The following GPM6A variants were observed in gnomAD, a reference collection of about 807,000 sequenced individuals.
GPM6A encodes glycoprotein M6A, also known as neuronal membrane glycoprotein M6-a.
Under a neutral mutation model 32.1 loss-of-function variants are expected in GPM6A, and 7 were observed. The ratio of observed to expected loss-of-function variants is 0.22; its 90% CI spans 0.12 to 0.41. The LOEUF is 0.41. Ranked by LOEUF, GPM6A falls within the 10% of genes least tolerant of loss-of-function variation. The probability of loss-of-function intolerance (pLI) is 1.00; values close to 1 mark genes in which losing one functional copy is unlikely to be tolerated. For missense variants in GPM6A, 235 were observed against 347.2 expected, an observed-to-expected ratio of 0.68 and a Z score of 2.57; for synonymous variants, 130 against 123.4, an observed-to-expected ratio of 1.05 and a Z score of -0.35.
chr4:175,978,247 C>T (rs1166344985), intron 1 of GPM6A, among the ~76,000 whole-genome samples: 2 of 152,072 alleles, frequency 1.3e-5, no homozygotes, highest in East Asian at 3.9e-4. Flanking sequence ...ACCTTCTTCA[C>T]GAGGAGGCAG....
intron 1 of GPM6A, among the ~76,000 whole-genome samples, chr4:175,883,661 C>T (rs74762611): frequency 2.9e-4 from 44 of 152,134 alleles, no homozygotes; most frequent in Non-Finnish European, 4.9e-4. Context: ...CTTTAATATC[C>T]GCAATATTGA....
chr4:175,643,072 C>T (rs1285854516), intron 4 of GPM6A, among the ~76,000 whole-genome samples: 1 of 152,124 alleles, frequency 6.6e-6, no homozygotes, highest in Non-Finnish European at 1.5e-5. Context: ...TCTGCTGCCT[C>T]TATGTTCAAA....
Position 175,673,804 on chromosome 4 carries a change from A to G in GPM6A, c.263T>C (p.Ile88Thr). Residue 88 changes from isoleucine to threonine, a missense_variant, in exon 3 of 7, where the codon ATC (isoleucine) becomes ACC (threonine). Coordinates refer to ENST00000393658, the MANE Select transcript of GPM6A (RefSeq NM_201591.3). ...GCCATACACAAAGAACGCAGCTGCG[A>G]TGCCGTAGATCACATACTTAAAGAT... is the stretch of plus-strand genomic sequence containing the variant. The part of the protein sequence containing the change: ...IDIFKYVIYG[I>T]AAAFFVYGIL... 6.2e-7 allele frequency: 1 copy of G among 1,610,574 alleles called. No homozygotes were observed.
intron 1 of GPM6A, among the ~76,000 whole-genome samples, chr4:175,987,558 C>T (rs1191842852): frequency 7.4e-6 from 1 of 134,640 alleles, no homozygotes; most frequent in Non-Finnish European, 1.7e-5. Context: ...GTGTGTTTGT[C>T]TTTATATTAA....
At chr4:175,727,254 C>T (rs1235180134) in intron 1 of GPM6A, among the ~76,000 whole-genome samples, 1 of 152,124 alleles carries the variant, frequency 6.6e-6, no homozygotes, top group African/African-American at 2.4e-5. Context: ...AGAAGCAGTA[C>T]TAGGCTTCAC....
chr4:175,815,905 C>T (rs1239977362), upstream of GPM6A, among the ~76,000 whole-genome samples: 1 of 151,998 alleles, frequency 6.6e-6, no homozygotes, highest in Non-Finnish European at 1.5e-5. Flanking sequence ...TTAGCAGAGA[C>T]GGGGTTTCTC....
At chr4:175,972,141 A>G (rs912242721) in intron 1 of GPM6A, among the ~76,000 whole-genome samples, 5 of 152,194 alleles carry the variant, frequency 3.3e-5, no homozygotes, top group Admixed American at 3.3e-4. Context: ...AGTTCACTCA[A>G]AGAACCCCCG....
At chr4:175,965,563 G>C (rs1740307039) in intron 1 of GPM6A, among the ~76,000 whole-genome samples, 1 of 149,688 alleles carries the variant, frequency 6.7e-6, no homozygotes, top group Non-Finnish European at 1.5e-5. Context: ...AAGGAAAAAA[G>C]AGAAAAGAAA....
At chr4:175,977,059 A>C (rs186746850) in intron 1 of GPM6A, among the ~76,000 whole-genome samples, 49 of 152,332 alleles carry the variant, frequency 3.2e-4, no homozygotes, top group African/African-American at 1.0e-3. Context: ...CATTCAAATA[A>C]GGTCAAAACA....
intron 1 of GPM6A, among the ~76,000 whole-genome samples, chr4:175,917,273 T>A (rs1216050136): frequency 6.6e-6 from 1 of 152,084 alleles, no homozygotes; most frequent in Non-Finnish European, 1.5e-5. Context: ...TGTTTTTTTT[T>A]AATCTTTAAG....
At position 175,931,671 on chromosome 4, in the gene GPM6A, T is replaced by TATACAC. The variant is rs1373359870; in HGVS notation, c.-23+70637_-23+70638insGTGTAT. ...TCTGACAGACATGTGTTAAAAAATA[T>TATACAC]ACACACACACACACACACACACACA... On this transcript the variant is annotated intron_variant, in intron 1 of 7. Coordinates refer to the GPM6A transcript ENST00000280187. 3.2e-3 allele frequency among the ~76,000 whole-genome samples: 440 copies of TATACAC among 136,548 alleles called. 4 individuals carry two copies. The highest frequency in any genetic ancestry group is 0.012 in the African/African-American group (410 of 34,692). The allele number at this position is 136,548 out of a possible 152,430, so 89.6% of individuals were successfully genotyped here. A position where few individuals can be genotyped will look rare whatever the true frequency, so the allele number is the denominator to read the frequency against.
rs546095336 is a variant in GPM6A at position 175,806,345 on chromosome 4, C to G, written c.37+5846G>C. ...TATCACGCTGTACTTCTCATTTAGT[C>G]TCTTTAAATATTTAAACTTTAATTC... On this transcript the variant is annotated intron_variant, in intron 1 of 6. Coordinates refer to ENST00000393658, the MANE Select transcript of GPM6A (RefSeq NM_201591.3). Among the ~76,000 whole-genome samples, 14 of 152,338 alleles carry G rather than the reference C, an allele frequency of 9.2e-5. No homozygotes were observed. The East Asian group carries it at 2.5e-3, about 27-fold the overall frequency.
chr4:175,700,672 AAC>A (rs991206038), intron 2 of GPM6A, among the ~76,000 whole-genome samples: 3 of 152,246 alleles, frequency 2.0e-5, no homozygotes, highest in Non-Finnish European at 4.4e-5. Flanking sequence ...GAAGATTACA[AAC>A]ACAGGTATCA....
chr4:175,875,666 A>G (rs1737062875), intron 1 of GPM6A, among the ~76,000 whole-genome samples: 1 of 152,184 alleles, frequency 6.6e-6, no homozygotes, highest in South Asian at 2.1e-4. Context: ...ATCCCTACAA[A>G]TACCATCTCA....
chr4:175,835,366 C>T (rs1436880960), intron 1 of GPM6A, among the ~76,000 whole-genome samples: 2 of 152,016 alleles, frequency 1.3e-5, no homozygotes, highest in Non-Finnish European at 2.9e-5. Context: ...GGGAACCAGA[C>T]AGAGATCATC....
chr4:175,766,860 G>A (rs1325676082), intron 1 of GPM6A, among the ~76,000 whole-genome samples: 1 of 151,886 alleles, frequency 6.6e-6, no homozygotes, highest in Non-Finnish European at 1.5e-5. Flanking sequence ...TCACCATGTT[G>A]GCCAGGCTGG....
At chr4:175,657,361 G>A (rs1344647014) in intron 3 of GPM6A, among the ~76,000 whole-genome samples, 1 of 152,180 alleles carries the variant, frequency 6.6e-6, no homozygotes, top group Admixed American at 6.5e-5. Flanking sequence ...GTTAATGTGA[G>A]AGAGAAAAAG....
At chr4:175,799,720 T>A (rs1365965551) in intron 1 of GPM6A, among the ~76,000 whole-genome samples, 1 of 120,646 alleles carries the variant, frequency 8.3e-6, no homozygotes, top group Non-Finnish European at 1.8e-5. Flanking sequence ...CAGGCCGGAC[T>A]GCGGACTGCA....
At chr4:175,681,158 T>G (rs1463752340) in intron 2 of GPM6A, among the ~76,000 whole-genome samples, 1 of 152,198 alleles carries the variant, frequency 6.6e-6, no homozygotes, top group East Asian at 1.9e-4. Context: ...ATATGTAGTT[T>G]TGTTACGTAT....
Sources: gnomAD v4.1 joint callset for allele counts (sites outside exome capture counted in the v4.1 genomes callset) on GRCh38, gnomAD v4.1.1 for gene constraint, MANE v1.5 for transcripts, NCBI Gene and HGNC (gene_info 2026-07-23, HGNC 2026-07-21) for gene names.